ARB2A: variants seen among roughly 807,000 people sequenced by gnomAD.
The protein encoded by ARB2A is ARB2 cotranscriptional regulator A.
chr5:93,878,619 G>GAATATATA, the ARB2A span, among the ~76,000 whole-genome samples: 1 of 151,634 alleles, frequency 6.6e-6, no homozygotes, highest in Admixed American at 6.6e-5. Context: ...TATTTGTAGA[G>GAATATATA]AATATATAAA....
chr5:93,852,935 T>C, the ARB2A span, among the ~76,000 whole-genome samples: 3 of 152,122 alleles, frequency 2.0e-5, no homozygotes, highest in Admixed American at 1.3e-4. Flanking sequence ...CTTGGCGATG[T>C]GGGCTCTTTT....
chr5:94,051,384 A>T, the ARB2A span, among the ~76,000 whole-genome samples: 1 of 152,236 alleles, frequency 6.6e-6, no homozygotes, highest in African/African-American at 2.4e-5. Flanking sequence ...TACAGGTAGA[A>T]TGTCAAATGA....
the ARB2A span, among the ~76,000 whole-genome samples, chr5:93,657,927 A>T: frequency 6.6e-6 from 1 of 152,128 alleles, no homozygotes; most frequent in East Asian, 1.9e-4. Flanking sequence ...ACAGTAACCA[A>T]ATTTGCTATA....
the ARB2A span, among the ~76,000 whole-genome samples, chr5:93,699,378 G>C: frequency 6.6e-6 from 1 of 152,168 alleles, no homozygotes; most frequent in Non-Finnish European, 1.5e-5. Flanking sequence ...GCATGACCTA[G>C]AATGTGGAAA....
At chr5:93,680,479 T>G in the ARB2A span, among the ~76,000 whole-genome samples, 134 of 152,204 alleles carry the variant, frequency 8.8e-4, no homozygotes, top group African/African-American at 3.1e-3. Flanking sequence ...GTCTTCAAGT[T>G]TCTCCTCACT....
At chr5:93,804,925 A>G in the ARB2A span, 1 of 965,896 alleles carries the variant, frequency 1.0e-6, no homozygotes, top group African/African-American at 1.8e-5. Flanking sequence ...CCAGAGATAT[A>G]TAATAATATC....
chr5:94,015,469 G>A, the ARB2A span, among the ~76,000 whole-genome samples: 1 of 151,402 alleles, frequency 6.6e-6, no homozygotes, highest in Non-Finnish European at 1.5e-5. Context: ...GTATAAAATC[G>A]ACAGTTAAAA....
the ARB2A span, among the ~76,000 whole-genome samples, chr5:93,917,890 A>G: frequency 6.6e-6 from 1 of 152,082 alleles, no homozygotes; most frequent in Non-Finnish European, 1.5e-5. Flanking sequence ...AAACAAAACA[A>G]AACAGTGGTT....
the ARB2A span, among the ~76,000 whole-genome samples, chr5:93,952,229 A>G: frequency 6.6e-6 from 1 of 152,358 alleles, no homozygotes; most frequent in South Asian, 2.1e-4. Flanking sequence ...AAAAAGAATC[A>G]TGAAATTTAT....
chr5:93,708,238 A>G, the ARB2A span, among the ~76,000 whole-genome samples: 1 of 152,234 alleles, frequency 6.6e-6, no homozygotes, highest in Non-Finnish European at 1.5e-5. Flanking sequence ...CCTTCATAAA[A>G]GTTTTAAAAA....
chr5:93,828,774 A>G, the ARB2A span, among the ~76,000 whole-genome samples: 1 of 152,134 alleles, frequency 6.6e-6, no homozygotes, highest in Non-Finnish European at 1.5e-5. Context: ...TCAAACTCCT[A>G]TATCTATTTT....
At chr5:93,826,607 T>A in the ARB2A span, among the ~76,000 whole-genome samples, 166 of 152,252 alleles carry the variant, frequency 1.1e-3, 1 homozygote, top group African/African-American at 3.6e-3. Context: ...TAATTTTTTT[T>A]ATTATACTTT....
chr5:93,950,954 AAAAAT>A, the ARB2A span, among the ~76,000 whole-genome samples: 50 of 147,862 alleles, frequency 3.4e-4, no homozygotes, highest in African/African-American at 8.7e-4. Context: ...AAAAAAAAAA[AAAAAT>A]AAAATAAAAT....
the ARB2A span, among the ~76,000 whole-genome samples, chr5:93,807,956 C>T: frequency 6.6e-6 from 1 of 151,952 alleles, no homozygotes; most frequent in African/African-American, 2.4e-5. Flanking sequence ...ACACTGTCTT[C>T]CAAGAAAAGA....
At chr5:93,881,263 C>A in the ARB2A span, 1 of 393,850 alleles carries the variant, frequency 2.5e-6, no homozygotes, top group Non-Finnish European at 4.5e-6. Flanking sequence ...GCATTTGTGA[C>A]TTCTATAAAA....
the ARB2A span, chr5:93,682,821 T>C: frequency 4.8e-6 from 6 of 1,258,726 alleles, no homozygotes; most frequent in Non-Finnish European, 5.7e-6. Context: ...TTTAACAAAT[T>C]GTTTAAACTA....
the ARB2A span, among the ~76,000 whole-genome samples, chr5:93,866,615 G>A: frequency 3.5e-4 from 53 of 152,210 alleles, no homozygotes; most frequent in Admixed American, 5.9e-4. Flanking sequence ...TGTATATGCC[G>A]GTTTTGTATA....
the ARB2A span, among the ~76,000 whole-genome samples, chr5:93,711,154 A>AT: frequency 6.6e-6 from 1 of 152,040 alleles, no homozygotes; most frequent in Non-Finnish European, 1.5e-5. Context: ...AAATGAAACA[A>AT]AAAGGATCCT....
At chr5:94,017,222 A>G in the ARB2A span, among the ~76,000 whole-genome samples, 2 of 152,180 alleles carry the variant, frequency 1.3e-5, no homozygotes, top group Non-Finnish European at 2.9e-5. Context: ...TGCCAGAAAG[A>G]CTTTACTGTT....
Sources: allele counts gnomAD v4.1 joint callset (sites outside exome capture counted in the v4.1 genomes callset), GRCh38; gene constraint gnomAD v4.1.1; transcripts MANE v1.5; gene names NCBI Gene and HGNC (gene_info 2026-07-23, HGNC 2026-07-21).